Variants in JPH2 observed in about 807,000 individuals in gnomAD.
JPH2 encodes the protein junctophilin 2.
A neutral mutation model predicts 55.9 loss-of-function variants in JPH2; 38 were observed. The observed-to-expected ratio is 0.68, with a 90% CI of 0.52 to 0.89. The LOEUF (loss-of-function observed/expected upper bound fraction) is 0.89. Ranked by LOEUF, JPH2 falls within the 40% of genes least tolerant of loss-of-function variation. The pLI, the probability that JPH2 is intolerant of heterozygous loss-of-function variation, is 0.00. For synonymous variants in JPH2, 480 were observed against 472.4 expected, an observed-to-expected ratio of 1.02 and a Z score of -0.21; for missense variants, 964 against 1,037.6, an observed-to-expected ratio of 0.93 and a Z score of 0.97.
intron 1 of JPH2, among the ~76,000 whole-genome samples, chr20:44,167,585 T>C (rs889284540): frequency 2.0e-5 from 3 of 152,096 alleles, no homozygotes; most frequent in African/African-American, 7.2e-5. Context: ...ATGGCAAAAA[T>C]ACGGTCCTGT....
chr20:44,140,634 G>C (rs950717722), intron 2 of JPH2, among the ~76,000 whole-genome samples: 15 of 151,804 alleles, frequency 9.9e-5, no homozygotes, highest in African/African-American at 3.6e-4. Flanking sequence ...CCTCCTATCT[G>C]GTCCTATGGC....
At chr20:44,143,601 C>G (rs974830002) in intron 2 of JPH2, among the ~76,000 whole-genome samples, 1 of 152,190 alleles carries the variant, frequency 6.6e-6, no homozygotes, top group Non-Finnish European at 1.5e-5. Context: ...ACCTGCAATG[C>G]CTGTCCTTCT....
intron 1 of JPH2, among the ~76,000 whole-genome samples, chr20:44,179,301 T>C (rs1382871271): frequency 6.6e-6 from 1 of 152,240 alleles, no homozygotes; most frequent in Non-Finnish European, 1.5e-5. Context: ...TTTTTAGATG[T>C]GTATAGGTAT....
intron 3 of JPH2, 143 bp downstream of exon 3, chr20:44,118,362 T>C: frequency 1.3e-6 from 1 of 769,226 alleles, no homozygotes; most frequent in South Asian, 1.4e-5. Flanking sequence ...CATCATCCCA[T>C]CCCACATTTG....
At chr20:44,124,347 C>T (rs1337822116) in intron 2 of JPH2, among the ~76,000 whole-genome samples, 1 of 152,084 alleles carries the variant, frequency 6.6e-6, no homozygotes, top group Non-Finnish European at 1.5e-5. Flanking sequence ...TTAGGCTGTT[C>T]CCCGACCTGG....
In JPH2 at chr20:44,115,853, T is replaced by A. The variant is rs1478428525; in HGVS notation, c.1822A>T (p.Thr608Ser). 6.3e-7 allele frequency: 1 copy of A among 1,591,300 alleles called. No homozygotes were observed. Among genetic ancestry groups the A allele is most frequent in the African/African-American group, 1.3e-5 (1 of 74,468 alleles). The change falls in exon 4 of 6, where the codon ACG becomes TCG. Residue 608 changes from threonine (T) to serine (S), a missense_variant. Transcript: ENST00000372980. Reference protein sequence around the residue: ...SPATAPLQAPTLRGPEPARET... With the variant: ...SPATAPLQAPSLRGPEPARET... ...CGTGCAGGCTCGGGGCCTCGGAGCG[T>A]GGGGGCCTGCAGCGGGGCGGTGGCC...
chr20:44,122,048 T>C (rs1038360361), intron 2 of JPH2, among the ~76,000 whole-genome samples: 3 of 151,934 alleles, frequency 2.0e-5, no homozygotes, highest in African/African-American at 7.3e-5. Flanking sequence ...AGTACCAGAG[T>C]AAGGATTCAA....
At chr20:44,158,997 G>A (rs1167723352) in intron 2 of JPH2, among the ~76,000 whole-genome samples, 1 of 152,200 alleles carries the variant, frequency 6.6e-6, no homozygotes, top group African/African-American at 2.4e-5. Flanking sequence ...AGTTGGACGG[G>A]TGGTTGAGTC....
At position 44,109,883 on chromosome 20, in the gene JPH2, G is replaced by A. The variant is rs549178699; in HGVS notation, c.*3635C>T. On this transcript the variant is annotated 3_prime_UTR_variant, in exon 6 of 6. Coordinates refer to ENST00000372980, the MANE Select transcript of JPH2 (RefSeq NM_020433.5). ...CAAATCTGACTCCCACGGTTCCTAG[G>A]TCCCCTCCCTTTCACTGCCCTGGAA... Among the ~76,000 whole-genome samples, 11 of 151,950 alleles carry A rather than the reference G, an allele frequency of 7.2e-5. No individual in the cohort carries two copies. The highest frequency in any genetic ancestry group is 1.6e-4 in the Non-Finnish European group (11 of 67,998).
Position 44,186,478 on chromosome 20 carries a change from G to A in JPH2, c.228C>T (p.Thr76=). 10 of 1,614,008 alleles carry A rather than the reference G, an allele frequency of 6.2e-6. No homozygotes were observed. Among genetic ancestry groups the A allele is most frequent in the Non-Finnish European group, 8.5e-6 (10 of 1,179,998 alleles). Residue 76 remains threonine (T), a synonymous_variant, in exon 1 of 6, where the codon ACC becomes ACT. Coordinates refer to ENST00000372980, the MANE Select transcript of JPH2 (RefSeq NM_020433.5). ...CGCCCTTGTAGAGCCAGCGCCCCTT[G>A]GTCTCTATGCCCAGCCCATGCCGTT... ...QGKRHGLGIE[T]KGRWLYKGEW...
intron 1 of JPH2, among the ~76,000 whole-genome samples, chr20:44,169,257 A>T (rs994429794): frequency 1.3e-5 from 2 of 150,234 alleles, no homozygotes; most frequent in African/African-American, 4.9e-5. Flanking sequence ...GCTCACTGCA[A>T]CCACCGCCTC....
rs1245124974 is a variant in JPH2, at chr20:44,134,275, TACATATAAATATTTATTATAA to T, written c.1170-15673_1170-15653del. On this transcript the variant is annotated intron_variant, in intron 2 of 5. Transcript: ENST00000372980. ...CATATAAATAAATATTTATTATATA[TACATATAAATATTTATTATAA>T]ATATAATAAATATTTATTATAAATA... Among the ~76,000 whole-genome samples the T allele has an allele frequency of 2.4e-4, 6 of 24,764 alleles. 2 individuals carry two copies. The highest frequency in any genetic ancestry group is 4.2e-4 in the Non-Finnish European group (6 of 14,402). The allele number at this position is 24,764 out of a possible 152,430, so 16.2% of individuals were successfully genotyped here.
In JPH2 at chr20:44,160,208, G is replaced by T. The variant is rs534491843; in HGVS notation, c.579C>A (p.Pro193=). The T allele has an allele frequency of 7.1e-7, 1 of 1,411,558 alleles. No homozygotes were observed. Among genetic ancestry groups the T allele is most frequent in the Non-Finnish European group, 9.2e-7 (1 of 1,092,710 alleles). The allele number at this position is 1,411,558 out of a possible 1,614,324, so 87.4% of individuals were successfully genotyped here. ...GCGCGAAGCCGCCACGCGGGATGGC[G>T]GGCGAGGGCAGCGCGGGGCCGTCGG... ...PASDGPALPS[P]AIPRGGFALS... is the part of the protein sequence containing the mutation. The change falls in exon 2 of 6, where the codon CCC becomes CCA. Residue 193 remains proline, a synonymous_variant. Transcript: ENST00000372980. This position sits in a 1 kb window ranked among gnomAD's most constrained non-coding sequence, Gnocchi z 4.9.
intron 2 of JPH2, among the ~76,000 whole-genome samples, chr20:44,148,148 G>C (rs2072505549): frequency 6.6e-6 from 1 of 152,136 alleles, no homozygotes; most frequent in Non-Finnish European, 1.5e-5. Context: ...TGGTGACAGA[G>C]TGAGACCTTC....
chr20:44,125,130 A>AAG (rs2072266853), intron 2 of JPH2, among the ~76,000 whole-genome samples: 1 of 151,686 alleles, frequency 6.6e-6, no homozygotes, highest in African/African-American at 2.4e-5. Context: ...AAAAAAAAAA[A>AAG]AGTAACATTT....
At chr20:44,183,378 T>A (rs1386558743) in intron 1 of JPH2, among the ~76,000 whole-genome samples, 2 of 152,206 alleles carry the variant, frequency 1.3e-5, no homozygotes, top group Non-Finnish European at 2.9e-5. Context: ...CTCAGGGCTG[T>A]TCAGTCCCCA....
intron 2 of JPH2, among the ~76,000 whole-genome samples, chr20:44,129,542 C>T (rs1307741634): frequency 2.3e-5 from 3 of 130,242 alleles, no homozygotes; most frequent in Non-Finnish European, 4.7e-5. Flanking sequence ...GCAACAGAGC[C>T]AGGCTGTCTC....
intron 2 of JPH2, among the ~76,000 whole-genome samples, chr20:44,134,256 A>AATATTTATTATAAATACAC (rs1569193349): frequency 5.3e-5 from 1 of 18,728 alleles, no homozygotes; most frequent in East Asian, 1.3e-3. Context: ...AATACATATA[A>AATATTTATTATAAATACAC]ATAAATATTT....
At chr20:44,181,165 G>A (rs1419928328) in intron 1 of JPH2, among the ~76,000 whole-genome samples, 1 of 152,140 alleles carries the variant, frequency 6.6e-6, no homozygotes, top group African/African-American at 2.4e-5. Flanking sequence ...CAAAGAGAAA[G>A]CCTAGAGGAC....
Sources: allele counts gnomAD v4.1 joint callset (sites outside exome capture counted in the v4.1 genomes callset), GRCh38; gene constraint gnomAD v4.1.1; non-coding constraint Gnocchi (gnomAD v3.1); transcripts MANE v1.5; gene names NCBI Gene and HGNC (gene_info 2026-07-23, HGNC 2026-07-21).